The following CNOT1 variants were observed in gnomAD, a reference collection of about 807,000 sequenced individuals.
CNOT1 encodes CCR4-NOT transcription complex subunit 1, also known as CCR4-associated factor 1.
A neutral mutation model predicts 273.8 loss-of-function variants in CNOT1; 15 were observed. The observed-to-expected ratio is 0.05, with a 90% CI of 0.04 to 0.08. The LOEUF is 0.08. Ranked by LOEUF, CNOT1 falls within the 10% of genes least tolerant of loss-of-function variation. CNOT1 has a pLI of 1.00. For missense variants in CNOT1, 1,644 were observed against 2,912.2 expected (o/e 0.56, Z 10.02); for synonymous variants, 1,022 against 1,005.5 (o/e 1.02, Z -0.31).
At chr16:58,543,296 G>A in intron 31 of CNOT1, 2 of 1,546,888 alleles carry the variant, frequency 1.3e-6, no homozygotes, top group East Asian at 2.5e-5. Context: ...ATCCTTCCTG[G>A]TTAACAGAAA....
intron 20 of CNOT1, 26 bp downstream of exon 20, chr16:58,555,758 A>G (rs775304755): frequency 3.1e-6 from 5 of 1,612,892 alleles, no homozygotes; most frequent in Admixed American, 3.3e-5. Flanking sequence ...TAAACAATAA[A>G]TAAGTAGATC....
At position 58,583,218 on chromosome 16, in the gene CNOT1, A is replaced by G. The variant is rs548525233; in HGVS notation, c.807-36T>C. ...AATATAACTTCAGAAAAATGCTACC[A>G]GCCTCAACACCGAGATTGAGAAATT... On this transcript the variant is annotated intron_variant, in intron 8 of 48. Coordinates refer to ENST00000317147, the MANE Select transcript of CNOT1 (RefSeq NM_016284.5). The G allele has an allele frequency of 9.9e-5, 159 of 1,608,404 alleles. 2 individuals carry two copies. The South Asian group carries it at 1.7e-3, about 17-fold the overall frequency.
At chr16:58,553,708 C>CA (rs1356655001) in intron 22 of CNOT1, 74 bp downstream of exon 22, 201 of 1,507,274 alleles carry the variant, frequency 1.3e-4, no homozygotes, top group South Asian at 4.6e-4. Flanking sequence ...ATCAAGTCTA[C>CA]AAAAAAAAGC....
intron 44 of CNOT1, chr16:58,528,084 G>C (rs779643482): frequency 1.1e-5 from 5 of 454,744 alleles, no homozygotes; most frequent in Middle Eastern, 3.3e-4. Flanking sequence ...CTGCACTCCA[G>C]CCTGGGTCAC....
intron 8 of CNOT1, among the ~76,000 whole-genome samples, chr16:58,584,614 G>T (rs940759296): frequency 6.6e-6 from 1 of 152,084 alleles, no homozygotes; most frequent in Non-Finnish European, 1.5e-5. Flanking sequence ...TTACAGGTAT[G>T]AGCCACCGTG....
intron 3 of CNOT1, 149 bp downstream of exon 3, chr16:58,588,650 A>G (rs1336898902): frequency 9.0e-7 from 1 of 1,107,764 alleles, no homozygotes; most frequent in Admixed American, 2.6e-5. Flanking sequence ...ACGCACAGAA[A>G]AAAAAGGAAA....
At chr16:58,576,426 T>TAA in intron 14 of CNOT1, 37 bp downstream of exon 14, 1 of 1,612,842 alleles carries the variant, frequency 6.2e-7, no homozygotes, top group East Asian at 2.2e-5. Flanking sequence ...TTCTCATTAG[T>TAA]AAATAAACTG....
chr16:58,612,060 C>T (rs943452491), intron 1 of CNOT1, among the ~76,000 whole-genome samples: 74 of 151,766 alleles, frequency 4.9e-4, no homozygotes, highest in African/African-American at 1.7e-3. Flanking sequence ...CAAAACACTC[C>T]TGGACTCAAG....
intron 2 of CNOT1, among the ~76,000 whole-genome samples, chr16:58,598,567 C>T (rs2042350210): frequency 6.6e-6 from 1 of 150,846 alleles, no homozygotes; most frequent in African/African-American, 2.4e-5. Context: ...CAGGCTCCTC[C>T]AGGAGGCAGA....
rs774456750 is a variant in CNOT1 at position 58,554,935 on chromosome 16, C to CAAAAGAAAAA, written c.2891+315_2891+316insTTTTTCTTTT. Among the ~76,000 whole-genome samples the CAAAAGAAAAA allele has an allele frequency of 6.1e-3, 480 of 78,874 alleles. 46 individuals carry two copies. The highest frequency in any genetic ancestry group is 0.021 in the African/African-American group (410 of 19,968). 51.7% of individuals were successfully genotyped at this position (78,874 alleles called of 152,430 possible). ...TGGGGGACAGAGCAAGACTCCATCT[C>CAAAAGAAAAA]AAAAAAAAAAAAAAAAAAGCTTCAG... On this transcript the variant is annotated intron_variant, in intron 21 of 48. Transcript: ENST00000317147.
intron 1 of CNOT1, among the ~76,000 whole-genome samples, chr16:58,609,034 A>G (rs2152029116): frequency 6.6e-6 from 1 of 152,322 alleles, no homozygotes; most frequent in East Asian, 1.9e-4. Flanking sequence ...GGTACAGTGT[A>G]TACTGCTCAG....
intron 2 of CNOT1, 123 bp from the exon 3 acceptor site, chr16:58,589,029 G>T (rs1597529314): frequency 1.1e-5 from 14 of 1,247,252 alleles, no homozygotes; most frequent in Non-Finnish European, 1.5e-5. Context: ...ACTCATTTTT[G>T]AATTAAAGTT....
At chr16:58,617,123 G>A (rs1288399224) in intron 1 of CNOT1, among the ~76,000 whole-genome samples, 2 of 152,288 alleles carry the variant, frequency 1.3e-5, no homozygotes, top group African/African-American at 4.8e-5. Context: ...CATTTTGGGA[G>A]GCTGAGGCAG....
chr16:58,611,807 C>T (rs560808879), intron 1 of CNOT1, among the ~76,000 whole-genome samples: 5 of 133,358 alleles, frequency 3.7e-5, no homozygotes, highest in South Asian at 4.8e-4. Context: ...GAAGACAGAA[C>T]GAGACTCTGT....
intron 39 of CNOT1, among the ~76,000 whole-genome samples, chr16:58,536,101 A>C (rs1192946737): frequency 6.6e-6 from 1 of 152,214 alleles, no homozygotes; most frequent in Non-Finnish European, 1.5e-5. Context: ...AATTGTCATT[A>C]ATTTGAAAAG....
rs1373792377 is a variant in CNOT1, at chr16:58,583,122, C to A, written c.867G>T (p.Gln289His). Reference protein sequence around the residue: ...QFGVREVTAAQVARVLGMMAR... With the variant: ...QFGVREVTAAHVARVLGMMAR... ...CCATCATTCCCAAAACCCTTGCAAC[C>A]TGGGCAGCTGTGACCTCCCGAACAC... The change falls in exon 9 of 49, where the codon CAG becomes CAT. Residue 289 changes from glutamine (Q) to histidine (H), a missense_variant. Physicochemically the swap from Gln to His is conservative, Grantham distance 24. Transcript: ENST00000317147. 6.2e-7 allele frequency: 1 copy of A among 1,613,856 alleles called. No individual in the cohort carries two copies. Among genetic ancestry groups the A allele is most frequent in the African/African-American group, 1.3e-5 (1 of 74,884 alleles).
At position 58,629,788 on chromosome 16, in the gene CNOT1, C is replaced by G. The variant is rs2043757615; in HGVS notation, c.-235G>C. 6.6e-6 allele frequency: 1 copy of G among 152,404 alleles called. No homozygotes were observed. Among genetic ancestry groups the G allele is most frequent in the African/African-American group, 2.4e-5 (1 of 41,472 alleles). 9.4% of individuals were successfully genotyped at this position (152,404 alleles called of 1,614,324 possible). On this transcript the variant is annotated 5_prime_UTR_variant, in exon 1 of 49. Transcript: ENST00000317147. ...TCCTGGGTCCCCGACTCCGGCTCTC[C>G]TCGACCCCCTCTTCGGTTAACTCCG...
At chr16:58,534,751 G>T (rs1447090240) in intron 39 of CNOT1, among the ~76,000 whole-genome samples, 1 of 152,120 alleles carries the variant, frequency 6.6e-6, no homozygotes, top group African/African-American at 2.4e-5. Context: ...CCAAGGAGAA[G>T]ACTAAATTGC....
At chr16:58,621,407 G>C (rs1248956589) in intron 1 of CNOT1, among the ~76,000 whole-genome samples, 2 of 151,986 alleles carry the variant, frequency 1.3e-5, no homozygotes, top group African/African-American at 4.8e-5. Flanking sequence ...CCAAGTAGCT[G>C]AGATTACAGG....
Sources: gnomAD v4.1 joint callset for allele counts (sites outside exome capture counted in the v4.1 genomes callset) on GRCh38, gnomAD v4.1.1 for gene constraint, MANE v1.5 for transcripts, NCBI Gene and HGNC (gene_info 2026-07-23, HGNC 2026-07-21) for gene names.